Variants in GRB10 observed in about 807,000 individuals in gnomAD.
GRB10 encodes growth factor receptor bound protein 10, also known as growth factor receptor-bound protein 10.
A neutral mutation model predicts 80.9 loss-of-function variants in GRB10; 20 were observed. The ratio of observed to expected loss-of-function variants is 0.25; its 90% CI spans 0.17 to 0.36. GRB10 has a LOEUF of 0.36. GRB10 is among the 10% of genes least tolerant of loss of function. The probability of loss-of-function intolerance (pLI) is 1.00; values close to 1 mark genes in which losing one functional copy is unlikely to be tolerated. For missense variants in GRB10, 548 were observed against 747.7 expected (o/e 0.73, Z 3.12); for synonymous variants, 291 against 291.5 (o/e 1.00, Z 0.02).
upstream of GRB10, among the ~76,000 whole-genome samples, chr7:50,783,654 G>T (rs2078543990): frequency 2.0e-5 from 3 of 152,166 alleles, no homozygotes; most frequent in Admixed American, 2.0e-4. Flanking sequence ...GCCACAGTAA[G>T]CAGTAAGCAG....
intron 2 of GRB10, among the ~76,000 whole-genome samples, chr7:50,768,216 T>C (rs2153708167): frequency 6.6e-6 from 1 of 152,160 alleles, no homozygotes; most frequent in East Asian, 1.9e-4. Flanking sequence ...AAACCCTGAG[T>C]GGTGCCTTAG....
rs764552384 is a variant in GRB10 at position 50,732,358 on chromosome 7, C to T, written c.-36G>A. On this transcript the variant is annotated 5_prime_UTR_variant, in exon 4 of 19. Transcript: ENST00000401949. ...TGCCTTCTTCAAATTACATTTACTG[C>T]GCTGCAGCACCTGGAATAAAGACAG... 68 of 1,584,808 alleles carry T rather than the reference C, an allele frequency of 4.3e-5. No individual in the cohort carries two copies. In the Middle Eastern group the frequency reaches 5.0e-4, roughly 12 times the overall value.
intron 6 of GRB10, among the ~76,000 whole-genome samples, chr7:50,672,508 C>T (rs2060471268): frequency 6.6e-6 from 1 of 152,172 alleles, no homozygotes; most frequent in African/African-American, 2.4e-5. Flanking sequence ...AACAAAACTA[C>T]TTATCTGAGA....
rs536239381 is a variant in GRB10, at chr7:50,600,084, G to A, written c.1544+3914C>T. Among the ~76,000 whole-genome samples the A allele has an allele frequency of 6.6e-5, 10 of 152,248 alleles. 1 individual carries two copies. The highest frequency in any genetic ancestry group is 2.4e-4 in the African/African-American group (10 of 41,556). On this transcript the variant is annotated intron_variant, in intron 17 of 18. Coordinates refer to ENST00000401949, the MANE Select transcript of GRB10 (RefSeq NM_001350814.2). The stretch of plus-strand genomic sequence containing the variant: ...TTCTCCAGCAGAGTGACGCTACCCC[G>A]AAGTGAGCCTGCGCTGCCTCCCACA...
In GRB10 at chr7:50,681,125, T is replaced by C. The variant is rs546496752; in HGVS notation, c.140-6467A>G. On this transcript the variant is annotated intron_variant, in intron 5 of 18. Transcript: ENST00000401949. ...CGCCCTTTGAGTGTTTAAGTATCTA[T>C]GGCTGCTATTTAGATTCAAAGCAAC... Among the ~76,000 whole-genome samples, 46 of 152,350 alleles carry C rather than the reference T, an allele frequency of 3.0e-4. No individual in the cohort carries two copies. The South Asian group carries it at 8.7e-3, about 29-fold the overall frequency.
chr7:50,692,477 T>C (rs2529406), intron 5 of GRB10, among the ~76,000 whole-genome samples: 11,153 of 152,056 alleles, frequency 0.073, 1,408 homozygotes, highest in African/African-American at 0.25. Flanking sequence ...GCTGCCGATA[T>C]CTCATGAATG....
chr7:50,733,144 G>A (rs921964227), intron 3 of GRB10, among the ~76,000 whole-genome samples: 1 of 152,108 alleles, frequency 6.6e-6, no homozygotes, highest in Admixed American at 6.5e-5. Flanking sequence ...TACAAGCGGT[G>A]TTTTTGTAAG....
At chr7:50,665,234 T>C (rs1263747204) in intron 7 of GRB10, among the ~76,000 whole-genome samples, 10 of 152,254 alleles carry the variant, frequency 6.6e-5, no homozygotes, top group African/African-American at 1.2e-4. Context: ...CGTGAGGGAA[T>C]AGGTCTGTGT....
intron 7 of GRB10, among the ~76,000 whole-genome samples, 186 bp downstream of exon 7, chr7:50,669,536 G>C (rs1281193381): frequency 2.0e-5 from 3 of 152,244 alleles, no homozygotes; most frequent in African/African-American, 7.2e-5. Flanking sequence ...GGGATTTGGA[G>C]GGGACAACAT....
chr7:50,595,322 A>G, intron 18 of GRB10, 115 bp downstream of exon 18: 1 of 724,730 alleles, frequency 1.4e-6, no homozygotes, highest in Non-Finnish European at 2.5e-6. Flanking sequence ...TCTTAACTGC[A>G]GCCTTGAAAC....
intron 17 of GRB10, among the ~76,000 whole-genome samples, chr7:50,600,178 A>C (rs925068819): frequency 3.3e-5 from 5 of 152,180 alleles, no homozygotes; most frequent in Non-Finnish European, 7.3e-5. Context: ...CAGGGGTATA[A>C]GCAGGTATAC....
At chr7:50,757,863 C>T (rs929790473) in intron 2 of GRB10, among the ~76,000 whole-genome samples, 2 of 152,186 alleles carry the variant, frequency 1.3e-5, no homozygotes, top group African/African-American at 4.8e-5. Flanking sequence ...TGCCCAGGAC[C>T]ACTTCCCAAG....
At chr7:50,650,565 G>A (rs538559539) in intron 7 of GRB10, among the ~76,000 whole-genome samples, 8 of 152,354 alleles carry the variant, frequency 5.3e-5, no homozygotes, top group South Asian at 4.1e-4. Context: ...CAGACTCAAC[G>A]TCCTAGAGAA....
Position 50,646,076 on chromosome 7 carries a change from C to T in GRB10, c.505-19098G>A, listed in dbSNP as rs145266978. Among the ~76,000 whole-genome samples the T allele has an allele frequency of 8.1e-3, 1,240 of 152,306 alleles. 16 individuals carry two copies. The highest frequency in any genetic ancestry group is 0.028 in the African/African-American group (1,182 of 41,542). ...ATCCATCTGTCTATCCATCCACAAC[C>T]CCATTCATGACCAAGGACCCATGCA... On this transcript the variant is annotated intron_variant, in intron 7 of 18. Coordinates refer to ENST00000401949, the MANE Select transcript of GRB10 (RefSeq NM_001350814.2).
chr7:50,621,483 C>T (rs1335838987), intron 8 of GRB10, among the ~76,000 whole-genome samples: 2 of 152,202 alleles, frequency 1.3e-5, no homozygotes, highest in African/African-American at 2.4e-5. Context: ...GTGAACACAA[C>T]GTGGCAGGTG....
In GRB10 at chr7:50,605,279, C is replaced by G. The variant is rs757722336; in HGVS notation, c.1389+11G>C. On this transcript the variant is annotated intron_variant, in intron 15 of 18. Coordinates refer to ENST00000401949, the MANE Select transcript of GRB10 (RefSeq NM_001350814.2). ...GGTGCCCCTCCAGGCTGGCCAGGGC[C>G]GGGGCCTTACCCTCCAGGCGTGGCC... 2 of 1,600,216 alleles carry G rather than the reference C, an allele frequency of 1.2e-6. No homozygotes were observed. The highest frequency in any genetic ancestry group is 1.1e-5 in the South Asian group (1 of 90,882).
intron 7 of GRB10, among the ~76,000 whole-genome samples, chr7:50,668,523 C>T (rs2060040938): frequency 6.6e-6 from 1 of 152,206 alleles, no homozygotes; most frequent in Admixed American, 6.5e-5. Context: ...TTACAGGGGC[C>T]TCCCTTCCCT....
chr7:50,645,473 A>G (rs2057036315), intron 7 of GRB10: 1 of 387,072 alleles, frequency 2.6e-6, no homozygotes, highest in African/African-American at 2.2e-5. Flanking sequence ...ACATGAGCCA[A>G]AAACACTGCC....
upstream of GRB10, among the ~76,000 whole-genome samples, chr7:50,785,962 T>G (rs12056119): frequency 5.0e-3 from 769 of 152,326 alleles, 6 homozygotes; most frequent in East Asian, 0.038. Flanking sequence ...GTAACAAATG[T>G]ACAGGATTCC....
Sources: gnomAD v4.1 joint callset for allele counts (sites outside exome capture counted in the v4.1 genomes callset) on GRCh38, gnomAD v4.1.1 for gene constraint, MANE v1.5 for transcripts, NCBI Gene and HGNC (gene_info 2026-07-23, HGNC 2026-07-21) for gene names.